Variants in IGF1R observed in about 807,000 individuals in gnomAD.
The protein encoded by IGF1R is insulin-like growth factor 1 receptor.
Under a neutral mutation model 144.6 loss-of-function variants are expected in IGF1R, and 44 were observed. The ratio of observed to expected loss-of-function variants is 0.30; its 90% CI spans 0.24 to 0.39. The LOEUF is 0.39. Among genes scored for constraint, IGF1R ranks in the 10% least tolerant of loss-of-function variants. The pLI is 1.00. For synonymous variants in IGF1R, 795 were observed against 722.8 expected (o/e 1.10, Z -1.60); for missense variants, 1,355 against 1,833.7 (o/e 0.74, Z 4.77).
chr15:98,762,872 C>G lies in IGF1R; in HGVS notation c.640+54765C>G, dbSNP rs112107134. ...ACCATCCTGGCCAACATGGTGAAAC[C>G]CCATCTCTACTAAAAATACAAAAAT... On this transcript the variant is annotated intron_variant, in intron 2 of 20. Coordinates refer to ENST00000650285, the MANE Select transcript of IGF1R (RefSeq NM_000875.5). Among the ~76,000 whole-genome samples the G allele has an allele frequency of 2.5e-3, 375 of 151,784 alleles. 1 individual carries two copies. Among genetic ancestry groups the G allele is most frequent in the African/African-American group, 8.2e-3 (339 of 41,336 alleles).
chr15:98,825,958 A>G (rs2056887690), intron 2 of IGF1R, among the ~76,000 whole-genome samples: 1 of 152,206 alleles, frequency 6.6e-6, no homozygotes. Flanking sequence ...GTCACCAGCC[A>G]TGTGGCCTTG....
intron 6 of IGF1R, 151 bp downstream of exon 6, chr15:98,909,050 T>G: frequency 1.4e-6 from 1 of 723,744 alleles, no homozygotes; most frequent in Non-Finnish European, 2.5e-6. Flanking sequence ...TGCTCCTACT[T>G]ATATGTCATC....
Position 98,901,920 on chromosome 15 carries a change from C to T in IGF1R, c.1247+2299C>T, listed in dbSNP as rs184446521. 1.7e-3 allele frequency among the ~76,000 whole-genome samples: 260 copies of T among 152,162 alleles called. 3 individuals carry two copies. Among genetic ancestry groups the T allele is most frequent in the Non-Finnish European group, 2.4e-3 (161 of 68,008 alleles). The stretch of plus-strand genomic sequence containing the variant: ...ACTAACACTGGAGAGGTGGGTGGTA[C>T]TAGAGTTATGTAAGATGTTTTGCAC... On this transcript the variant is annotated intron_variant, in intron 5 of 20. Transcript: ENST00000650285.
intron 2 of IGF1R, among the ~76,000 whole-genome samples, chr15:98,726,671 T>A (rs560335972): frequency 6.6e-6 from 1 of 152,062 alleles, no homozygotes; most frequent in Non-Finnish European, 1.5e-5. Flanking sequence ...TCTGACTTTT[T>A]AAATTCCCCT....
intron 2 of IGF1R, among the ~76,000 whole-genome samples, chr15:98,737,655 G>C (rs756024705): frequency 6.6e-6 from 1 of 152,006 alleles, no homozygotes; most frequent in Non-Finnish European, 1.5e-5. Context: ...TCTTTGCCCC[G>C]TCCCCACAAT....
intron 2 of IGF1R, among the ~76,000 whole-genome samples, chr15:98,827,238 G>A (rs990236481): frequency 6.6e-6 from 1 of 152,096 alleles, no homozygotes; most frequent in African/African-American, 2.4e-5. Context: ...CAAATGACTT[G>A]GAAAACAGGC....
At chr15:98,898,458 GC>G (rs1221618146) in intron 4 of IGF1R, among the ~76,000 whole-genome samples, 32 of 152,190 alleles carry the variant, frequency 2.1e-4, no homozygotes, top group Non-Finnish European at 4.4e-4. Context: ...CTTGACTAAG[GC>G]ATGCTTCCTG....
chr15:98,948,047 G>A (rs1438042727), intron 19 of IGF1R, among the ~76,000 whole-genome samples: 1 of 152,148 alleles, frequency 6.6e-6, no homozygotes, highest in Non-Finnish European at 1.5e-5. Flanking sequence ...CTGTGCAGCC[G>A]GCAGTGAGAA....
At chr15:98,829,658 C>T (rs1262949375) in intron 2 of IGF1R, among the ~76,000 whole-genome samples, 2 of 152,204 alleles carry the variant, frequency 1.3e-5, no homozygotes, top group East Asian at 1.9e-4. Flanking sequence ...AGGCAGGCCA[C>T]GAGGGCTCCT....
At chr15:98,736,089 A>G (rs2054602199) in intron 2 of IGF1R, among the ~76,000 whole-genome samples, 1 of 152,250 alleles carries the variant, frequency 6.6e-6, no homozygotes, top group Non-Finnish European at 1.5e-5. Context: ...ATTAAAAAGA[A>G]AAACAATCCA....
In IGF1R at chr15:98,736,299, A is replaced by G. The variant is rs562123506; in HGVS notation, c.640+28192A>G. On this transcript the variant is annotated intron_variant, in intron 2 of 20. Transcript: ENST00000650285. ...TCAGCAAGAAAGGTTAATATTATCA[A>G]TTTAACAGCATGAATGAAACATTGT... Among the ~76,000 whole-genome samples, 8 of 152,376 alleles carry G rather than the reference A, an allele frequency of 5.3e-5. No individual in the cohort carries two copies. In the East Asian group the frequency reaches 7.7e-4, roughly 15 times the overall value.
intron 1 of IGF1R, among the ~76,000 whole-genome samples, chr15:98,650,619 TCGCCGCCTCACGGGGACACCTAGA>T: frequency 6.6e-6 from 1 of 152,254 alleles, no homozygotes; most frequent in East Asian, 1.9e-4. Flanking sequence ...CGGGGTGTAG[TCGCCGCCTCACGGGGACACCTAGA>T]CGCCCGTCCC....
At chr15:98,692,608 T>C (rs1028156458) in intron 1 of IGF1R, among the ~76,000 whole-genome samples, 7 of 152,228 alleles carry the variant, frequency 4.6e-5, no homozygotes, top group Non-Finnish European at 7.3e-5. Flanking sequence ...GTTTGGACTT[T>C]CCAGTAACAT....
chr15:98,718,345 G>A lies in IGF1R; in HGVS notation c.640+10238G>A, dbSNP rs545791154. ...GACTGTCGGTTGCTTGATACCCATGGCCTTGTTTAGAGAAGCTGCACCCAC... is the reference window on the plus strand; with the variant it reads ...GACTGTCGGTTGCTTGATACCCATGACCTTGTTTAGAGAAGCTGCACCCAC... On this transcript the variant is annotated intron_variant, in intron 2 of 20. Coordinates refer to ENST00000650285, the MANE Select transcript of IGF1R (RefSeq NM_000875.5). 2.6e-5 allele frequency among the ~76,000 whole-genome samples: 4 copies of A among 152,322 alleles called. No individual in the cohort carries two copies. The South Asian group carries it at 6.2e-4, about 24-fold the overall frequency.
At chr15:98,946,049 G>A (rs571009380) in intron 19 of IGF1R, among the ~76,000 whole-genome samples, 54 of 152,062 alleles carry the variant, frequency 3.6e-4, no homozygotes, top group African/African-American at 1.2e-3. Context: ...CAGCGTCGTC[G>A]TCGTCCTGGT....
chr15:98,924,125 C>CCT, intron 12 of IGF1R, 113 bp downstream of exon 12: 2 of 1,086,800 alleles, frequency 1.8e-6, no homozygotes, highest in Non-Finnish European at 1.4e-6. Context: ...ACAATAAAAT[C>CCT]CATGCCAAGT....
intron 2 of IGF1R, among the ~76,000 whole-genome samples, chr15:98,858,293 C>T (rs998651849): frequency 5.3e-5 from 8 of 151,580 alleles, no homozygotes; most frequent in African/African-American, 1.5e-4. Context: ...CCCCCCGCTT[C>T]GTTGTTTCCT....
At position 98,924,050 on chromosome 15, in the gene IGF1R, C is replaced by G. The variant is rs755150937; in HGVS notation, c.2622+38C>G. 1.1e-5 allele frequency: 17 copies of G among 1,597,632 alleles called. No individual in the cohort carries two copies. In the Admixed American group the frequency reaches 2.8e-4, roughly 27 times the overall value. ...CAGTGGCCCGTGCCTGCATGTACTTCCATCCATTGACAGCATATGCTACCT... is the reference window on the plus strand; with the variant it reads ...CAGTGGCCCGTGCCTGCATGTACTTGCATCCATTGACAGCATATGCTACCT... On this transcript the variant is annotated intron_variant, in intron 12 of 20. Transcript: ENST00000650285.
At chr15:98,665,347 A>G (rs769387088) in intron 1 of IGF1R, among the ~76,000 whole-genome samples, 1 of 151,766 alleles carries the variant, frequency 6.6e-6, no homozygotes, top group Non-Finnish European at 1.5e-5. Context: ...CTCCCTCCTG[A>G]CTCTGCATCT....
Sources: gnomAD v4.1 joint callset for allele counts (sites outside exome capture counted in the v4.1 genomes callset) on GRCh38, gnomAD v4.1.1 for gene constraint, MANE v1.5 for transcripts, NCBI Gene and HGNC (gene_info 2026-07-23, HGNC 2026-07-21) for gene names.